Variants in KCNAB2 observed in about 807,000 individuals in gnomAD.
KCNAB2 encodes the protein voltage-gated potassium channel subunit beta-2.
In KCNAB2, 29 loss-of-function variants were observed where a neutral mutation model predicts 63.6. The ratio of observed to expected loss-of-function variants is 0.46; its 90% CI spans 0.34 to 0.62. The LOEUF (loss-of-function observed/expected upper bound fraction) is 0.62, where lower values mean the gene tolerates loss of function less well. KCNAB2 is among the 20% of genes least tolerant of loss of function. The pLI is 0.01. For missense variants in KCNAB2, 359 were observed against 563.9 expected, an observed-to-expected ratio of 0.64 and a Z score of 3.68; for synonymous variants, 222 against 224.2, an observed-to-expected ratio of 0.99 and a Z score of 0.09.
Position 6,085,185 on chromosome 1 carries a change from T to C in KCNAB2, c.381-19T>C, listed in dbSNP as rs1169860263. 2 of 1,613,814 alleles carry C rather than the reference T, an allele frequency of 1.2e-6. No individual in the cohort carries two copies. On this transcript the variant is annotated intron_variant, in intron 5 of 15. Transcript: ENST00000378083. ...TTTTCTGTTTGGCTGTGATGAGAGC[T>C]CGGTGTCTTGTTTTGCAGGGCTGAA...
chr1:6,041,720 G>A (rs1660514406), upstream of KCNAB2: 2 of 927,650 alleles, frequency 2.2e-6, no homozygotes, highest in South Asian at 1.3e-5. Context: ...CCGGGGGCAT[G>A]GGACATTGGT....
At chr1:6,080,512 C>A (rs1391762891) in intron 4 of KCNAB2, among the ~76,000 whole-genome samples, 2 of 152,196 alleles carry the variant, frequency 1.3e-5, no homozygotes, top group African/African-American at 4.8e-5. Flanking sequence ...ATCCTGAAAA[C>A]CGACGGCCTC....
At position 6,035,666 on chromosome 1, in the gene KCNAB2, T is replaced by C. The variant is rs1659978540; in HGVS notation, c.-53+872T>C. 6.6e-6 allele frequency among the ~76,000 whole-genome samples: 1 copy of C among 151,470 alleles called. No homozygotes were observed. Among genetic ancestry groups the C allele is most frequent in the African/African-American group, 2.4e-5 (1 of 41,132 alleles). On this transcript the variant is annotated intron_variant, in intron 1 of 15. Coordinates refer to the KCNAB2 transcript ENST00000164247. This position sits in a 1 kb window ranked among gnomAD's most constrained non-coding sequence, Gnocchi z 5.0. ...GGGGTGAGGGCAGTCGGGAGCTCAG[T>C]GTCTGACCCAGGAATCCGAGGCACA... is the stretch of plus-strand genomic sequence containing the variant.
In KCNAB2 at chr1:6,100,021, C is replaced by T; in HGVS notation, c.*1447C>T. The T allele has an allele frequency of 6.5e-7, 1 of 1,530,380 alleles. No individual in the cohort carries two copies. Among genetic ancestry groups the T allele is most frequent in the Non-Finnish European group, 8.8e-7 (1 of 1,136,612 alleles). The allele number at this position is 1,530,380 out of a possible 1,614,324, so 94.8% of individuals were successfully genotyped here. ...CACCCCCACCCCTCGCCAGCTAGCT[C>T]CATAGGGAAGCCTGTGTCTCCTGCC... On this transcript the variant is annotated 3_prime_UTR_variant, in exon 16 of 16. Coordinates refer to ENST00000378083, the MANE Select transcript of KCNAB2 (RefSeq NM_001199862.2).
At chr1:6,060,051 A>G (rs527878364) in intron 2 of KCNAB2, among the ~76,000 whole-genome samples, 120 of 152,282 alleles carry the variant, frequency 7.9e-4, no homozygotes, top group East Asian at 9.7e-4. Flanking sequence ...CCTCCGTGTC[A>G]AGTCTCCCAC....
intron 4 of KCNAB2, among the ~76,000 whole-genome samples, chr1:6,079,629 C>T (rs900639632): frequency 9.9e-5 from 15 of 152,124 alleles, no homozygotes; most frequent in African/African-American, 3.6e-4. Context: ...ACAAAAAGGA[C>T]ACACGGTGTG....
At chr1:6,091,030 A>G (rs1006910021) in intron 9 of KCNAB2, among the ~76,000 whole-genome samples, 1 of 152,120 alleles carries the variant, frequency 6.6e-6, no homozygotes, top group Non-Finnish European at 1.5e-5. Flanking sequence ...GCGTCTTTCC[A>G]TGTGTGCTTT....
At chr1:6,082,351 C>T (rs994301716) in intron 5 of KCNAB2, 77 bp downstream of exon 5, 4 of 1,167,964 alleles carry the variant, frequency 3.4e-6, no homozygotes, top group Non-Finnish European at 5.2e-6. Context: ...TCCTGCCGCT[C>T]GCGTTCCCAA....
intron 1 of KCNAB2, among the ~76,000 whole-genome samples, chr1:6,038,547 T>C (rs1660236621): frequency 6.6e-6 from 1 of 152,170 alleles, no homozygotes; most frequent in Admixed American, 6.5e-5. Flanking sequence ...ACTCCTGTGC[T>C]CAAGCAATCC....
At chr1:6,033,350 T>C (rs1292530052), upstream of KCNAB2, among the ~76,000 whole-genome samples, 1 of 150,784 alleles carries the variant, frequency 6.6e-6, no homozygotes, top group Non-Finnish European at 1.5e-5. Flanking sequence ...TGTGTGTGTG[T>C]GCGTGTGGGT....
At chr1:6,084,642 C>A (rs560536485) in intron 5 of KCNAB2, among the ~76,000 whole-genome samples, 3 of 152,176 alleles carry the variant, frequency 2.0e-5, no homozygotes, top group Non-Finnish European at 2.9e-5. Context: ...ATAGTGAAAC[C>A]CCGTCTCTAC....
At chr1:6,036,725 G>A (rs751198795) in intron 1 of KCNAB2, among the ~76,000 whole-genome samples, 1 of 151,806 alleles carries the variant, frequency 6.6e-6, no homozygotes, top group Non-Finnish European at 1.5e-5. Context: ...CACAGATCGT[G>A]TCGCTGTGTG....
In KCNAB2 at chr1:6,038,214, G is replaced by A. The variant is rs543991595; in HGVS notation, c.-52-2303G>A. On this transcript the variant is annotated intron_variant, in intron 1 of 15. Coordinates refer to the KCNAB2 transcript ENST00000164247. Reference sequence around the variant, plus strand: ...TTTAAGAATAAAACTCCAGGGGATCGTCACCAAGCCCCACCACTTCCTCTG... The same window carrying A: ...TTTAAGAATAAAACTCCAGGGGATCATCACCAAGCCCCACCACTTCCTCTG... Among the ~76,000 whole-genome samples, 13 of 151,896 alleles carry A rather than the reference G, an allele frequency of 8.6e-5. No homozygotes were observed. In the East Asian group the frequency reaches 9.7e-4, roughly 11 times the overall value.
chr1:6,022,260 TGTATAGTTCAGTG>T (rs1301851862), intron 1 of KCNAB2, among the ~76,000 whole-genome samples: 1 of 150,998 alleles, frequency 6.6e-6, no homozygotes, highest in Non-Finnish European at 1.5e-5. Flanking sequence ...TGGTATTGAG[TGTATAGTTCAGTG>T]GTATTGAGTG....
In KCNAB2 at chr1:6,051,757, A is replaced by G; in HGVS notation, c.218+3A>G. 3 of 1,528,136 alleles carry G rather than the reference A, an allele frequency of 2.0e-6. No homozygotes were observed. The highest frequency in any genetic ancestry group is 2.6e-6 in the Non-Finnish European group (3 of 1,142,360). 94.7% of individuals were successfully genotyped at this position (1,528,136 alleles called of 1,614,324 possible). A position where few individuals can be genotyped will look rare whatever the true frequency, so the allele number is the denominator to read the frequency against. On this transcript the variant is annotated splice_donor_region_variant and intron_variant, in intron 2 of 15. Transcript: ENST00000378083. ...CAGCGCACAGGCATGAAGTATCGGT[A>G]AGGGCCGGGCAGGGGGGCGGTGGGG... is the stretch of plus-strand genomic sequence containing the variant.
At chr1:6,002,996 A>C (rs1283499481) in intron 1 of KCNAB2, among the ~76,000 whole-genome samples, 1 of 152,084 alleles carries the variant, frequency 6.6e-6, no homozygotes, top group Non-Finnish European at 1.5e-5. Flanking sequence ...CCCGGGTGAG[A>C]ACAGGTCCTA....
intron 4 of KCNAB2, among the ~76,000 whole-genome samples, chr1:6,077,740 G>A (rs1482261204): frequency 1.3e-5 from 2 of 152,170 alleles, no homozygotes; most frequent in East Asian, 1.9e-4. Context: ...AGCATCCGGG[G>A]CCCCGCCTCA....
At chr1:6,044,733 A>AT (rs1421806859), upstream of KCNAB2, among the ~76,000 whole-genome samples, 1 of 152,134 alleles carries the variant, frequency 6.6e-6, no homozygotes, top group Non-Finnish European at 1.5e-5. Flanking sequence ...CAGGGAAGAG[A>AT]GAGGCTAATG....
chr1:6,025,324 C>A (rs1659076898), intron 1 of KCNAB2, among the ~76,000 whole-genome samples: 1 of 152,132 alleles, frequency 6.6e-6, no homozygotes, highest in Non-Finnish European at 1.5e-5. Context: ...CAACACGGTG[C>A]AGGTGGCTGG....
Sources: allele counts gnomAD v4.1 joint callset (sites outside exome capture counted in the v4.1 genomes callset), GRCh38; gene constraint gnomAD v4.1.1; non-coding constraint Gnocchi (gnomAD v3.1); transcripts MANE v1.5; gene names NCBI Gene and HGNC (gene_info 2026-07-23, HGNC 2026-07-21).